DLGAP2: variants seen among roughly 807,000 people sequenced by gnomAD.
DLGAP2 encodes DLG associated protein 2, also known as disks large-associated protein 2.
In DLGAP2, 26 loss-of-function variants were observed where a neutral mutation model predicts 100.3. The observed-to-expected ratio is 0.26, with a 90% confidence interval of 0.19 to 0.36. The LOEUF (loss-of-function observed/expected upper bound fraction) is 0.36. DLGAP2 is among the 10% of genes least tolerant of loss of function. The pLI, the probability that DLGAP2 is intolerant of heterozygous loss-of-function variation, is 1.00. For missense variants in DLGAP2, 1,858 were observed against 1,453.2 expected, an observed-to-expected ratio of 1.28 and a Z score of -4.53; for synonymous variants, 886 against 630.1, an observed-to-expected ratio of 1.41 and a Z score of -6.08.
Position 994,995 on chromosome 8 carries a change from C to T in DLGAP2, c.73+87029C>T, listed in dbSNP as rs145177383. On this transcript the variant is annotated intron_variant, in intron 2 of 14. Transcript: ENST00000637795. ...AGTACCTGAAATAGGTATTCTTCAA[C>T]TTACCTTTCAAGGTTCTGGAATAGA... is the stretch of plus-strand genomic sequence containing the variant. 2.5e-3 allele frequency among the ~76,000 whole-genome samples: 385 copies of T among 152,282 alleles called. 9 individuals carry two copies. The highest frequency in any genetic ancestry group is 2.3e-3 in the East Asian group (12 of 5,186).
chr8:999,561 C>G (rs532456970), intron 2 of DLGAP2, among the ~76,000 whole-genome samples: 2 of 151,104 alleles, frequency 1.3e-5, no homozygotes, highest in Non-Finnish European at 2.9e-5. Flanking sequence ...TCACTGCAAA[C>G]TCCACCTTGT....
intron 6 of DLGAP2, among the ~76,000 whole-genome samples, chr8:1,599,702 C>CT (rs1325540327): frequency 1.3e-5 from 2 of 152,008 alleles, no homozygotes; most frequent in African/African-American, 2.4e-5. Flanking sequence ...GCAACTCCTG[C>CT]TTTTTTTGCT....
chr8:890,982 G>A (rs1376134486), intron 1 of DLGAP2, among the ~76,000 whole-genome samples: 1 of 152,096 alleles, frequency 6.6e-6, no homozygotes. Context: ...CCAGGACCTG[G>A]GTCAGTGCTA....
chr8:1,063,694 C>CATTAAAATCAATGACCAAAATATG (rs1803158143), intron 2 of DLGAP2, among the ~76,000 whole-genome samples: 1 of 152,084 alleles, frequency 6.6e-6, no homozygotes, highest in African/African-American at 2.4e-5. Context: ...ACCAAAATAT[C>CATTAAAATCAATGACCAAAATATG]TTACATTAAA....
intron 3 of DLGAP2, among the ~76,000 whole-genome samples, chr8:1,390,860 A>G (rs565342223): frequency 6.6e-6 from 1 of 152,350 alleles, no homozygotes; most frequent in East Asian, 1.9e-4. Flanking sequence ...CAAGAGTCAT[A>G]AAGAATTACA....
intron 2 of DLGAP2, among the ~76,000 whole-genome samples, chr8:1,116,247 T>C (rs890948779): frequency 3.3e-5 from 5 of 152,178 alleles, no homozygotes; most frequent in Non-Finnish European, 7.3e-5. Context: ...CCTGACATGC[T>C]CTTGGGTTTT....
intron 2 of DLGAP2, among the ~76,000 whole-genome samples, chr8:1,170,394 T>A (rs1054561535): frequency 7.2e-5 from 11 of 152,310 alleles, no homozygotes; most frequent in African/African-American, 2.6e-4. Flanking sequence ...GATGCTGGCC[T>A]CATAAAATGA....
intron 8 of DLGAP2, among the ~76,000 whole-genome samples, chr8:1,641,199 CG>C (rs1351722425): frequency 6.6e-6 from 1 of 152,186 alleles, no homozygotes; most frequent in Admixed American, 6.5e-5. Flanking sequence ...AGACGAATCA[CG>C]TGCCTCCCGG....
chr8:1,131,469 T>C (rs554053705), intron 2 of DLGAP2, among the ~76,000 whole-genome samples: 1 of 152,294 alleles, frequency 6.6e-6, no homozygotes, highest in African/African-American at 2.4e-5. Context: ...TCACGTCTTA[T>C]AAGTGGCTCA....
chr8:1,569,558 C>T (rs1208190013), intron 6 of DLGAP2, among the ~76,000 whole-genome samples: 4 of 152,208 alleles, frequency 2.6e-5, no homozygotes, highest in Non-Finnish European at 5.9e-5. Flanking sequence ...CTATTCGCAT[C>T]TTAGTTTATC....
chr8:1,450,565 C>T (rs1584916848), intron 3 of DLGAP2, among the ~76,000 whole-genome samples: 2 of 152,178 alleles, frequency 1.3e-5, no homozygotes, highest in South Asian at 2.1e-4. Flanking sequence ...TGGCAGGACT[C>T]GCCTTTCTGT....
intron 2 of DLGAP2, among the ~76,000 whole-genome samples, chr8:1,231,066 C>G (rs1243011665): frequency 6.6e-6 from 1 of 152,156 alleles, no homozygotes; most frequent in Non-Finnish European, 1.5e-5. Flanking sequence ...ACAGAGTAAA[C>G]AGCCTACAGA....
chr8:1,590,852 G>A (rs1796269370), intron 6 of DLGAP2, among the ~76,000 whole-genome samples: 1 of 152,110 alleles, frequency 6.6e-6, no homozygotes, highest in Admixed American at 6.5e-5. Flanking sequence ...CCCACCCCTG[G>A]CAGAGGCCTT....
At chr8:1,263,138 A>G (rs1045717107) in intron 3 of DLGAP2, among the ~76,000 whole-genome samples, 7 of 152,228 alleles carry the variant, frequency 4.6e-5, no homozygotes, top group Non-Finnish European at 7.3e-5. Context: ...ATGTTGGGAT[A>G]CGTTGACATG....
At chr8:820,621 A>C (rs893446861) in intron 1 of DLGAP2, among the ~76,000 whole-genome samples, 6 of 152,230 alleles carry the variant, frequency 3.9e-5, no homozygotes, top group African/African-American at 7.2e-5. Flanking sequence ...CAGAGGCAAA[A>C]GCAAGAAGAT....
intron 2 of DLGAP2, among the ~76,000 whole-genome samples, chr8:1,064,987 A>C (rs1803201629): frequency 6.6e-6 from 1 of 152,230 alleles, no homozygotes; most frequent in African/African-American, 2.4e-5. Flanking sequence ...CTGTGCATTC[A>C]CAGTTTGTTG....
At chr8:986,524 C>G (rs1305273501) in intron 2 of DLGAP2, among the ~76,000 whole-genome samples, 1 of 151,940 alleles carries the variant, frequency 6.6e-6, no homozygotes, top group Non-Finnish European at 1.5e-5. Flanking sequence ...AAAATTACAG[C>G]TAAAACAAAG....
At chr8:1,338,277 A>T (rs1429934199) in intron 3 of DLGAP2, among the ~76,000 whole-genome samples, 2 of 152,332 alleles carry the variant, frequency 1.3e-5, no homozygotes, top group Non-Finnish European at 2.9e-5. Context: ...GAAACAGCAG[A>T]TGTTCCCCAT....
chr8:1,545,434 G>A (rs1184498949), intron 4 of DLGAP2, among the ~76,000 whole-genome samples: 7 of 152,156 alleles, frequency 4.6e-5, no homozygotes, highest in South Asian at 2.1e-4. Context: ...ATGGTTGTAC[G>A]TTCATGAATA....
Sources: gnomAD v4.1 joint callset for allele counts (sites outside exome capture counted in the v4.1 genomes callset) on GRCh38, gnomAD v4.1.1 for gene constraint, MANE v1.5 for transcripts, NCBI Gene and HGNC (gene_info 2026-07-23, HGNC 2026-07-21) for gene names.